The following PRR5L variants were observed in gnomAD, a reference collection of about 807,000 sequenced individuals.
PRR5L encodes proline-rich protein 5-like.
Under a neutral mutation model 36.4 loss-of-function variants are expected in PRR5L, and 21 were observed. The ratio of observed to expected loss-of-function variants is 0.58; its 90% CI spans 0.41 to 0.83. The LOEUF (loss-of-function observed/expected upper bound fraction) is 0.83. Ranked by LOEUF, PRR5L falls within the 40% of genes least tolerant of loss-of-function variation. The pLI, the probability that PRR5L is intolerant of heterozygous loss-of-function variation, is 0.00. For missense variants in PRR5L, 381 were observed against 473.3 expected (o/e 0.80, Z 1.81); for synonymous variants, 188 against 197.0 (o/e 0.95, Z 0.38).
At chr11:36,383,955 C>CCTGT (rs1434808785) in intron 1 of PRR5L, among the ~76,000 whole-genome samples, 3 of 152,062 alleles carry the variant, frequency 2.0e-5, no homozygotes, top group African/African-American at 7.2e-5. Context: ...CTCGGCCTCC[C>CCTGT]CTGTCTTTTT....
intron 1 of PRR5L, among the ~76,000 whole-genome samples, chr11:36,339,969 A>T (rs1388002704): frequency 6.6e-6 from 1 of 151,832 alleles, no homozygotes; most frequent in Non-Finnish European, 1.5e-5. Context: ...ACTGCACCCA[A>T]CTTCTTCTCT....
At chr11:36,391,072 G>A (rs4077045) in intron 1 of PRR5L, among the ~76,000 whole-genome samples, 2 of 152,064 alleles carry the variant, frequency 1.3e-5, no homozygotes, top group East Asian at 1.9e-4. Flanking sequence ...TCTTGTTTCC[G>A]TGGTAACTAG....
At chr11:36,370,806 CGGAGGT>C (rs940744640) in intron 1 of PRR5L, among the ~76,000 whole-genome samples, 4 of 141,716 alleles carry the variant, frequency 2.8e-5, no homozygotes, top group African/African-American at 1.0e-4. Flanking sequence ...ACTTGAACCC[CGGAGGT>C]GGAGGTTGCA....
At chr11:36,364,091 A>C (rs1857121174) in intron 1 of PRR5L, among the ~76,000 whole-genome samples, 1 of 152,038 alleles carries the variant, frequency 6.6e-6, no homozygotes, top group African/African-American at 2.4e-5. Flanking sequence ...CAGCTCTGCC[A>C]TTTGCTGTGT....
chr11:36,306,642 T>G (rs1367180686), intron 1 of PRR5L, among the ~76,000 whole-genome samples: 1 of 152,150 alleles, frequency 6.6e-6, no homozygotes, highest in South Asian at 2.1e-4. Context: ...TTATTATTTT[T>G]TAATGATCTT....
intron 3 of PRR5L, among the ~76,000 whole-genome samples, chr11:36,404,362 C>T (rs1000306832): frequency 3.3e-5 from 5 of 151,186 alleles, no homozygotes; most frequent in Non-Finnish European, 5.9e-5. Flanking sequence ...ACCTCTGCTT[C>T]CTGGGATCAA....
At chr11:36,393,497 A>T (rs1349562149) in intron 1 of PRR5L, among the ~76,000 whole-genome samples, 1 of 151,966 alleles carries the variant, frequency 6.6e-6, no homozygotes, top group African/African-American at 2.4e-5. Flanking sequence ...AAATGTATGG[A>T]TTTGTTTCTA....
chr11:36,352,310 T>C (rs969746281), intron 1 of PRR5L, among the ~76,000 whole-genome samples: 15 of 152,080 alleles, frequency 9.9e-5, no homozygotes, highest in African/African-American at 3.4e-4. Context: ...TCTTGCTAAT[T>C]TGTTTGAGTT....
chr11:36,311,926 T>C (rs1027739964), intron 1 of PRR5L, among the ~76,000 whole-genome samples: 11 of 152,310 alleles, frequency 7.2e-5, no homozygotes, highest in Middle Eastern at 3.4e-3. Context: ...ATCCATACAC[T>C]GTAACTCTAT....
chr11:36,411,649 T>C (rs1234632336), intron 3 of PRR5L, among the ~76,000 whole-genome samples: 1 of 152,126 alleles, frequency 6.6e-6, no homozygotes, highest in Non-Finnish European at 1.5e-5. Context: ...AAACCAGGCA[T>C]GGAAGTCCAA....
At chr11:36,458,878 C>A (rs1015755066) in intron 8 of PRR5L, among the ~76,000 whole-genome samples, 1 of 152,240 alleles carries the variant, frequency 6.6e-6, no homozygotes, top group Admixed American at 6.5e-5. Context: ...CTCCCCACAG[C>A]ATTGTCCTGC....
chr11:36,298,069 T>C (rs1856332230), intron 1 of PRR5L, among the ~76,000 whole-genome samples: 1 of 152,180 alleles, frequency 6.6e-6, no homozygotes, highest in Non-Finnish European at 1.5e-5. Context: ...TCTTTGGGGA[T>C]CTCTGAGTTG....
chr11:36,376,682 T>C (rs1590501955), intron 1 of PRR5L: 1 of 990,392 alleles, frequency 1.0e-6, no homozygotes, highest in Non-Finnish European at 1.2e-6. Flanking sequence ...CTCGGGGTGA[T>C]TCACGCCGGG....
intron 1 of PRR5L, among the ~76,000 whole-genome samples, chr11:36,358,189 G>T (rs1432956808): frequency 6.6e-6 from 1 of 152,188 alleles, no homozygotes; most frequent in Non-Finnish European, 1.5e-5. Flanking sequence ...GCAGCGGCAG[G>T]GTTTAAGAGG....
chr11:36,458,891 G>A (rs182489398), intron 8 of PRR5L, among the ~76,000 whole-genome samples: 54 of 152,346 alleles, frequency 3.5e-4, no homozygotes, highest in South Asian at 3.1e-3. Context: ...TGTCCTGCCT[G>A]GCTGGCAGAG....
chr11:36,362,032 G>T (rs1424089412), intron 1 of PRR5L: 1 of 133,536 alleles, frequency 7.5e-6, no homozygotes, highest in Non-Finnish European at 1.6e-5. Context: ...GGGTGCTGAA[G>T]TAATAACAAA....
chr11:36,407,576 T>G (rs555663332), intron 3 of PRR5L, among the ~76,000 whole-genome samples: 18 of 152,322 alleles, frequency 1.2e-4, no homozygotes, highest in South Asian at 1.0e-3. Context: ...GAAATGACTT[T>G]TTCAGTTCTC....
intron 5 of PRR5L, 110 bp downstream of exon 5, chr11:36,432,020 A>C: frequency 1.1e-6 from 1 of 883,204 alleles, no homozygotes; most frequent in Non-Finnish European, 1.8e-6. Flanking sequence ...CGAGTGATTC[A>C]CCCTGTCCGT....
At chr11:36,380,870 C>T (rs547406110) in intron 1 of PRR5L, among the ~76,000 whole-genome samples, 14 of 152,226 alleles carry the variant, frequency 9.2e-5, no homozygotes, top group Non-Finnish European at 1.3e-4. Context: ...ATACTAACTT[C>T]GTTAAAAAGC....
Sources: allele counts gnomAD v4.1 joint callset (sites outside exome capture counted in the v4.1 genomes callset), GRCh38; gene constraint gnomAD v4.1.1; transcripts MANE v1.5; gene names NCBI Gene and HGNC (gene_info 2026-07-23, HGNC 2026-07-21).